The following ATP8B4 variants were observed in gnomAD, a reference collection of about 807,000 sequenced individuals.
The protein encoded by ATP8B4 is ATPase phospholipid transporting 8B4 (putative), also known as probable phospholipid-transporting ATPase IM.
Under a neutral mutation model 145.6 loss-of-function variants are expected in ATP8B4, and 133 were observed. The observed-to-expected ratio is 0.91, with a 90% CI of 0.79 to 1.05. The LOEUF is 1.05. ATP8B4 is among the 50% of genes least tolerant of loss of function. ATP8B4 has a pLI of 0.00. For missense variants in ATP8B4, 1,458 were observed against 1,425.2 expected (o/e 1.02, Z -0.37); for synonymous variants, 507 against 492.9 (o/e 1.03, Z -0.38).
intron 1 of ATP8B4, among the ~76,000 whole-genome samples, chr15:50,157,835 G>C (rs904513409): frequency 2.0e-5 from 3 of 151,950 alleles, no homozygotes; most frequent in African/African-American, 4.8e-5. Context: ...CTGCCATCTC[G>C]GCTCACTGCA....
chr15:50,158,580 G>C (rs567263871), intron 1 of ATP8B4, among the ~76,000 whole-genome samples: 2 of 152,166 alleles, frequency 1.3e-5, no homozygotes, highest in African/African-American at 4.8e-5. Context: ...CCCTCTGCCC[G>C]GCCACCACCC....
intron 1 of ATP8B4, among the ~76,000 whole-genome samples, chr15:50,129,819 G>A (rs543798109): frequency 3.9e-5 from 6 of 152,052 alleles, no homozygotes; most frequent in East Asian, 1.9e-4. Flanking sequence ...ATGGTGGCAC[G>A]TGCCTGTAGT....
chr15:50,174,388 G>A (rs1400880864), intron 1 of ATP8B4, among the ~76,000 whole-genome samples: 2 of 152,044 alleles, frequency 1.3e-5, no homozygotes, highest in Admixed American at 1.3e-4. Context: ...CATTTACCTT[G>A]AAAACACTAA....
chr15:49,930,657 T>C (rs1473444490), intron 16 of ATP8B4, among the ~76,000 whole-genome samples: 1 of 152,098 alleles, frequency 6.6e-6, no homozygotes. Context: ...GTGAATGGGC[T>C]ATGCAGTCAC....
chr15:50,175,173 G>C (rs944238630), intron 1 of ATP8B4, among the ~76,000 whole-genome samples: 3 of 152,140 alleles, frequency 2.0e-5, no homozygotes, highest in Non-Finnish European at 4.4e-5. Flanking sequence ...TTAAACCTAA[G>C]TCCTGAAACT....
At chr15:50,044,892 C>T (rs1357502074) in intron 4 of ATP8B4, among the ~76,000 whole-genome samples, 200 bp from the exon 5 acceptor site, 1 of 152,164 alleles carries the variant, frequency 6.6e-6, no homozygotes, top group Non-Finnish European at 1.5e-5. Flanking sequence ...TTCAAACTAC[C>T]TAACCAAAAA....
chr15:50,130,794 AAAAT>A (rs1259342138), intron 1 of ATP8B4, among the ~76,000 whole-genome samples: 2 of 152,128 alleles, frequency 1.3e-5, no homozygotes, highest in Non-Finnish European at 2.9e-5. Flanking sequence ...TAAAAAAATA[AAAAT>A]AAATAAGAGT....
chr15:49,957,062 A>G (rs1174414164), intron 14 of ATP8B4, among the ~76,000 whole-genome samples: 1 of 152,170 alleles, frequency 6.6e-6, no homozygotes, highest in Non-Finnish European at 1.5e-5. Flanking sequence ...CAAAAAAAAA[A>G]TTGGGAGAAC....
At chr15:50,004,237 G>A (rs1214805773) in intron 7 of ATP8B4, among the ~76,000 whole-genome samples, 1 of 152,186 alleles carries the variant, frequency 6.6e-6, no homozygotes, top group East Asian at 1.9e-4. Context: ...GGAGTGCGAA[G>A]GGAAGGCCCA....
chr15:50,173,348 A>G (rs1160242565), intron 1 of ATP8B4, among the ~76,000 whole-genome samples: 1 of 152,086 alleles, frequency 6.6e-6, no homozygotes, highest in Non-Finnish European at 1.5e-5. Context: ...GTTCTGTACT[A>G]AGAAAAATTA....
intron 6 of ATP8B4, among the ~76,000 whole-genome samples, chr15:50,026,709 C>A (rs2050030802): frequency 6.6e-6 from 1 of 152,170 alleles, no homozygotes; most frequent in African/African-American, 2.4e-5. Context: ...CAATTCATGA[C>A]AGAGCAGGAC....
chr15:50,109,016 C>T (rs983298500), intron 1 of ATP8B4, among the ~76,000 whole-genome samples: 7 of 152,130 alleles, frequency 4.6e-5, no homozygotes, highest in South Asian at 2.1e-4. Flanking sequence ...TCCCAGACCC[C>T]GGCCCCAAAA....
chr15:49,883,922 CTCA>C (rs1370628742), intron 23 of ATP8B4, among the ~76,000 whole-genome samples: 2 of 152,204 alleles, frequency 1.3e-5, no homozygotes, highest in African/African-American at 2.4e-5. Flanking sequence ...ACCCCATTCT[CTCA>C]TGAGTCTGTA....
At chr15:50,112,275 C>T (rs1221825491) in intron 1 of ATP8B4, among the ~76,000 whole-genome samples, 2 of 152,096 alleles carry the variant, frequency 1.3e-5, no homozygotes, top group Admixed American at 6.5e-5. Context: ...GGCAGCCCCC[C>T]TTGCTGGCCC....
chr15:50,079,396 G>A (rs2054399561), intron 2 of ATP8B4, among the ~76,000 whole-genome samples: 3 of 152,174 alleles, frequency 2.0e-5, no homozygotes, highest in Non-Finnish European at 2.9e-5. Flanking sequence ...TGATCCAGGT[G>A]TGCCACAAAT....
At chr15:49,919,469 G>C (rs575685363) in intron 18 of ATP8B4, among the ~76,000 whole-genome samples, 12 of 152,210 alleles carry the variant, frequency 7.9e-5, no homozygotes, top group Admixed American at 5.2e-4. Flanking sequence ...CCAGGCTGGA[G>C]TGCAGTGGCG....
intron 14 of ATP8B4, among the ~76,000 whole-genome samples, chr15:49,937,044 ATTTATAG>A (rs1033724615): frequency 6.6e-6 from 1 of 151,800 alleles, no homozygotes; most frequent in African/African-American, 2.4e-5. Flanking sequence ...GAGTTTTCCA[ATTTATAG>A]TTTATAACTG....
At chr15:50,062,979 T>A (rs1261388075) in intron 3 of ATP8B4, among the ~76,000 whole-genome samples, 1 of 152,046 alleles carries the variant, frequency 6.6e-6, no homozygotes. Flanking sequence ...GCAAGAATCA[T>A]AGGAATATGA....
intron 14 of ATP8B4, among the ~76,000 whole-genome samples, chr15:49,948,894 A>G (rs909147695): frequency 2.6e-5 from 4 of 152,016 alleles, no homozygotes; most frequent in Non-Finnish European, 5.9e-5. Flanking sequence ...CTTGAATGGT[A>G]TTGCCTAGGT....
Sources: gnomAD v4.1 joint callset for allele counts (sites outside exome capture counted in the v4.1 genomes callset) on GRCh38, gnomAD v4.1.1 for gene constraint, MANE v1.5 for transcripts, NCBI Gene and HGNC (gene_info 2026-07-23, HGNC 2026-07-21) for gene names.